The following TMEM245 variants were observed in gnomAD, a reference collection of about 807,000 sequenced individuals.
TMEM245 encodes the protein protein CG-2.
A neutral mutation model predicts 101.2 loss-of-function variants in TMEM245; 69 were observed. The observed-to-expected ratio is 0.68, with a 90% CI of 0.56 to 0.83. The LOEUF (loss-of-function observed/expected upper bound fraction) is 0.83. TMEM245 is among the 40% of genes least tolerant of loss of function. TMEM245 has a pLI of 0.00. For missense variants in TMEM245, 1,075 were observed against 1,092.8 expected, an observed-to-expected ratio of 0.98 and a Z score of 0.23; for synonymous variants, 537 against 449.8, an observed-to-expected ratio of 1.19 and a Z score of -2.45.
At position 109,017,665 on chromosome 9, in the gene TMEM245, T is replaced by G. The variant is rs889230768; in HGVS notation, c.*2795A>C. Reference sequence around the variant, plus strand: ...ACCAAGTTCTGTACTCCGTTTTTACTGAAATGACTTCTACTTCATCAACGT... The same window carrying G: ...ACCAAGTTCTGTACTCCGTTTTTACGGAAATGACTTCTACTTCATCAACGT... On this transcript the variant is annotated 3_prime_UTR_variant, in exon 18 of 18. Coordinates refer to ENST00000374586, the MANE Select transcript of TMEM245 (RefSeq NM_032012.4). 1 of 152,246 alleles carries G rather than the reference T, an allele frequency of 6.6e-6. No homozygotes were observed. The highest frequency in any genetic ancestry group is 2.4e-5 in the African/African-American group (1 of 41,462). 9.4% of individuals were successfully genotyped at this position (152,246 alleles called of 1,614,324 possible).
At chr9:109,029,125 T>C (rs941089113) in intron 17 of TMEM245, among the ~76,000 whole-genome samples, 1 of 151,826 alleles carries the variant, frequency 6.6e-6, no homozygotes, top group African/African-American at 2.4e-5. Context: ...ACCTCTATAG[T>C]AAAGCTACAA....
At chr9:109,115,825 T>C (rs888319005) in intron 1 of TMEM245, among the ~76,000 whole-genome samples, 4 of 152,138 alleles carry the variant, frequency 2.6e-5, no homozygotes, top group Admixed American at 2.6e-4. Context: ...CAACCGCACC[T>C]GGCCTACAAT....
chr9:109,090,153 C>T (rs1377859225), intron 5 of TMEM245, among the ~76,000 whole-genome samples: 2 of 152,018 alleles, frequency 1.3e-5, no homozygotes, highest in East Asian at 3.9e-4. Flanking sequence ...CCCAGCAACT[C>T]AGGAGGCTGA....
chr9:109,090,820 G>T, intron 5 of TMEM245, 102 bp downstream of exon 5: 1 of 1,032,050 alleles, frequency 9.7e-7, no homozygotes, highest in Non-Finnish European at 1.4e-6. Context: ...GTTTTACTTT[G>T]CAAGACGGTA....
rs376370435 is a variant in TMEM245, at chr9:109,104,636, AT to A, written c.799+1871del. Among the ~76,000 whole-genome samples the A allele has an allele frequency of 3.3e-4, 51 of 152,344 alleles. No homozygotes were observed. The East Asian group carries it at 9.8e-3, about 29-fold the overall frequency. Reference sequence around the variant, plus strand: ...AAAGTTGGAGAACTCACACTTCTCAATTTCAAAACTACAGTAATCAAAAGAA... The same window carrying A: ...AAAGTTGGAGAACTCACACTTCTCAATTCAAAACTACAGTAATCAAAAGAA... On this transcript the variant is annotated intron_variant, in intron 3 of 17. Coordinates refer to ENST00000374586, the MANE Select transcript of TMEM245 (RefSeq NM_032012.4).
chr9:109,089,131 C>T (rs1022273740), intron 5 of TMEM245, among the ~76,000 whole-genome samples: 2 of 151,398 alleles, frequency 1.3e-5, no homozygotes, highest in Non-Finnish European at 2.9e-5. Context: ...AGCCAGTGGA[C>T]GCACCTGTAG....
Position 109,041,453 on chromosome 9 carries a change from A to ATTT in TMEM245, c.2124-3339_2124-3337dup, listed in dbSNP as rs1193341550. On this transcript the variant is annotated intron_variant, in intron 14 of 17. Coordinates refer to ENST00000374586, the MANE Select transcript of TMEM245 (RefSeq NM_032012.4). Reference sequence around the variant, plus strand: ...GTAGGATGTGGTTGCCATCCTACAAATTTTTTTTTTTTTTTTTTTTTTTTT... The same window carrying ATTT: ...GTAGGATGTGGTTGCCATCCTACAAATTTTTTTTTTTTTTTTTTTTTTTTTTTT... 5.6e-3 allele frequency among the ~76,000 whole-genome samples: 466 copies of ATTT among 83,254 alleles called. 48 individuals are homozygous for ATTT. The highest frequency in any genetic ancestry group is 8.8e-3 in the South Asian group (19 of 2,162). The allele number at this position is 83,254 out of a possible 152,430, so 54.6% of individuals were successfully genotyped here.
Position 109,064,568 on chromosome 9 carries a change from C to T in TMEM245, c.1533-1G>A. 6.2e-7 allele frequency: 1 copy of T among 1,612,356 alleles called. No homozygotes were observed. On this transcript the variant is annotated splice_acceptor_variant, in intron 9 of 17. Coordinates refer to ENST00000374586, the MANE Select transcript of TMEM245 (RefSeq NM_032012.4). LOFTEE classifies it high-confidence loss of function. Reference sequence around the variant, plus strand: ...GACTACCTGAGCCTCAGGAAGCCAACTAATGTAAAACAAAGAAAAAAATGA... The same window carrying T: ...GACTACCTGAGCCTCAGGAAGCCAATTAATGTAAAACAAAGAAAAAAATGA...
Position 109,068,725 on chromosome 9 carries a change from GA to G in TMEM245, c.1533-4159del, listed in dbSNP as rs1315890988. 2.6e-5 allele frequency among the ~76,000 whole-genome samples: 4 copies of G among 152,186 alleles called. No homozygotes were observed. In the East Asian group the frequency reaches 7.7e-4, roughly 29 times the overall value. ...ACTTGATACCTACAACATCTTGGATGAGCTTCAAGAGAATTATGCTAAGCAA... is the reference window on the plus strand; with the variant it reads ...ACTTGATACCTACAACATCTTGGATGGCTTCAAGAGAATTATGCTAAGCAA... On this transcript the variant is annotated intron_variant, in intron 9 of 17. Transcript: ENST00000374586.
At chr9:109,107,854 T>C (rs1376206376) in intron 2 of TMEM245, among the ~76,000 whole-genome samples, 2 of 152,134 alleles carry the variant, frequency 1.3e-5, no homozygotes, top group East Asian at 3.9e-4. Flanking sequence ...AGGGAACCCA[T>C]TACTCTGAGC....
chr9:109,070,904 CAT>C lies in TMEM245; in HGVS notation c.1532+2450_1532+2451del, dbSNP rs1829310275. Among the ~76,000 whole-genome samples the C allele has an allele frequency of 5.3e-5, 8 of 152,218 alleles. No individual in the cohort carries two copies. In the South Asian group the frequency reaches 1.7e-3, roughly 32 times the overall value. On this transcript the variant is annotated intron_variant, in intron 9 of 17. Transcript: ENST00000374586. ...CTTTTTTATTGTTGTTTTTTTGAGA[CAT>C]AGTCTTACCCTATCATCCAGGCCGG...
At chr9:109,115,458 C>T (rs781613455) in intron 1 of TMEM245, among the ~76,000 whole-genome samples, 2 of 146,960 alleles carry the variant, frequency 1.4e-5, no homozygotes, top group East Asian at 2.0e-4. Flanking sequence ...AGAAGAGGGA[C>T]GAATAAGGTT....
At chr9:109,072,953 T>C (rs905802709) in intron 9 of TMEM245, among the ~76,000 whole-genome samples, 8 of 152,244 alleles carry the variant, frequency 5.3e-5, no homozygotes, top group Non-Finnish European at 1.2e-4. Flanking sequence ...TGGTTATAAA[T>C]GACTCTGCCA....
At position 109,038,102 on chromosome 9, in the gene TMEM245, A is replaced by G. The variant is rs1285362777; in HGVS notation, c.2139T>C (p.Ala713=). ...CATAGAAGCCAGCCATTTTGAGGGA[A>G]GCATCAAACACCCCTCTGGAATGCC... ...VEEAIRGVFD[A]SLKMAGFYGL... The change falls in exon 15 of 18, where the codon GCT becomes GCC. Residue 713 remains alanine, a synonymous_variant. Coordinates refer to ENST00000374586, the MANE Select transcript of TMEM245 (RefSeq NM_032012.4). The G allele has an allele frequency of 1.2e-6, 2 of 1,612,960 alleles. No homozygotes were observed. The highest frequency in any genetic ancestry group is 1.3e-5 in the African/African-American group (1 of 74,852).
At chr9:109,103,389 C>T (rs1465540146) in intron 3 of TMEM245, among the ~76,000 whole-genome samples, 1 of 152,148 alleles carries the variant, frequency 6.6e-6, no homozygotes, top group African/African-American at 2.4e-5. Flanking sequence ...AATTAAAGGT[C>T]TAAGACATAT....
chr9:109,055,580 T>C (rs1348516321), intron 12 of TMEM245, among the ~76,000 whole-genome samples: 2 of 152,110 alleles, frequency 1.3e-5, no homozygotes. Context: ...AAAAGAGCTA[T>C]TGGATATTGC....
At chr9:109,098,768 A>G (rs1411320596) in intron 3 of TMEM245, among the ~76,000 whole-genome samples, 2 of 152,198 alleles carry the variant, frequency 1.3e-5, no homozygotes, top group African/African-American at 4.8e-5. Flanking sequence ...TCAGGTATCA[A>G]TCTACCCAGA....
At chr9:109,044,209 TG>T (rs1828403774) in intron 14 of TMEM245, among the ~76,000 whole-genome samples, 1 of 152,196 alleles carries the variant, frequency 6.6e-6, no homozygotes, top group African/African-American at 2.4e-5. Flanking sequence ...AACCAGATTG[TG>T]CTTGCTACTT....
intron 14 of TMEM245, among the ~76,000 whole-genome samples, chr9:109,048,220 G>A (rs1305484527): frequency 1.3e-5 from 2 of 152,066 alleles, no homozygotes; most frequent in African/African-American, 2.4e-5. Flanking sequence ...AGCCAATCGC[G>A]GAAACAAGGT....
Sources: allele counts gnomAD v4.1 joint callset (sites outside exome capture counted in the v4.1 genomes callset), GRCh38; gene constraint gnomAD v4.1.1; transcripts MANE v1.5; gene names NCBI Gene and HGNC (gene_info 2026-07-23, HGNC 2026-07-21).